Variants in AGXT2 observed in about 807,000 individuals in gnomAD.
AGXT2 encodes alanine--glyoxylate aminotransferase 2, mitochondrial.
A neutral mutation model predicts 62.5 loss-of-function variants in AGXT2; 61 were observed. That is an observed-to-expected ratio of 0.98 (90% CI 0.79 to 1.21). The LOEUF (loss-of-function observed/expected upper bound fraction) is 1.21, where lower values mean the gene tolerates loss of function less well. AGXT2 is among the 50% of genes most tolerant of loss of function. The pLI is 0.00. For synonymous variants in AGXT2, 243 were observed against 218.7 expected (o/e 1.11, Z -0.98); for missense variants, 666 against 641.5 (o/e 1.04, Z -0.41).
At chr5:35,001,766 C>T (rs912509965) in intron 13 of AGXT2, among the ~76,000 whole-genome samples, 7 of 152,072 alleles carry the variant, frequency 4.6e-5, no homozygotes, top group African/African-American at 1.4e-4. Flanking sequence ...TTGTTTATCT[C>T]ATTATTTAAG....
chr5:35,033,193 A>G (rs1767636370), intron 6 of AGXT2: 1 of 497,570 alleles, frequency 2.0e-6, no homozygotes, highest in African/African-American at 1.9e-5. Context: ...AGTTTTGTGC[A>G]TTCAAGATTC....
At position 35,039,357 on chromosome 5, in the gene AGXT2, C is replaced by T; in HGVS notation, c.329G>A (p.Gly110Glu). Reference protein sequence around the residue: ...EGSRYLDFFSGIVTVSVGHCH... With the variant: ...EGSRYLDFFSEIVTVSVGHCH... The stretch of plus-strand genomic sequence containing the variant: ...ATGGCCAACACTGACAGTAACAATC[C>T]CGGAAAAGAAATCCAGGTATCTGCT... Residue 110 changes from glycine (G) to glutamate (E), a missense_variant, in exon 3 of 14, where the codon GGG (glycine) becomes GAG (glutamate). Gly to Glu is a moderately conservative substitution (Grantham distance 98, BLOSUM62 -2). Transcript: ENST00000231420. 1 of 1,614,096 alleles carries T rather than the reference C, an allele frequency of 6.2e-7. No individual in the cohort carries two copies. The highest frequency in any genetic ancestry group is 8.5e-7 in the Non-Finnish European group (1 of 1,179,964).
chr5:35,021,677 T>C (rs1488723002), intron 9 of AGXT2, among the ~76,000 whole-genome samples: 6 of 151,870 alleles, frequency 4.0e-5, no homozygotes, highest in African/African-American at 1.5e-4. Flanking sequence ...GGACTTCATG[T>C]CTAAAACGCC....
At chr5:35,028,852 A>G (rs575806577) in intron 7 of AGXT2, among the ~76,000 whole-genome samples, 1 of 152,288 alleles carries the variant, frequency 6.6e-6, no homozygotes, top group South Asian at 2.1e-4. Context: ...CTCCCCACCT[A>G]CCATCCCAGT....
Position 35,010,091 on chromosome 5 carries a change from A to G in AGXT2, c.1247T>C (p.Leu416Pro), listed in dbSNP as rs772084689. 2.5e-6 allele frequency: 4 copies of G among 1,614,204 alleles called. No homozygotes were observed. Among genetic ancestry groups the G allele is most frequent in the Non-Finnish European group, 3.4e-6 (4 of 1,180,024 alleles). ...NSQEVGTYML[L>P]KFAKLRDEFE... ...TTCATCCCGCAGCTTAGCAAACTTT[A>G]GTAACATGTAGGTCCCAACTTCTTG... Residue 416 changes from leucine to proline, a missense_variant, in exon 12 of 14, where the codon CTA becomes CCA. Leu to Pro is a moderately conservative substitution (Grantham distance 98, BLOSUM62 -3). Transcript: ENST00000231420.
intron 9 of AGXT2, among the ~76,000 whole-genome samples, chr5:35,024,995 A>C (rs1767271902): frequency 6.6e-6 from 1 of 152,124 alleles, no homozygotes; most frequent in Non-Finnish European, 1.5e-5. Context: ...AAACAAAAAA[A>C]CCCACATTAT....
chr5:35,001,759 T>C lies in AGXT2; in HGVS notation c.1437+2004A>G, dbSNP rs1561209140. 2.6e-5 allele frequency among the ~76,000 whole-genome samples: 4 copies of C among 152,152 alleles called. No individual in the cohort carries two copies. In the South Asian group the frequency reaches 8.3e-4, roughly 32 times the overall value. On this transcript the variant is annotated intron_variant, in intron 13 of 13. Transcript: ENST00000231420. The stretch of plus-strand genomic sequence containing the variant: ...CCACATTTCATGCACAGTTTGGTTG[T>C]TTATCTCATTATTTAAGATTCTGCT...
chr5:35,047,294 A>G (rs1768265065), intron 1 of AGXT2, among the ~76,000 whole-genome samples: 1 of 152,080 alleles, frequency 6.6e-6, no homozygotes, highest in African/African-American at 2.4e-5. Context: ...AAAAAGAAAA[A>G]TAGCTAGGCA....
chr5:35,037,117 G>A (rs978946758), intron 3 of AGXT2, 52 bp from the exon 4 acceptor site: 1 of 1,611,720 alleles, frequency 6.2e-7, no homozygotes. Flanking sequence ...CGTCCCTCCT[G>A]CACACACCCT....
chr5:35,012,097 G>A (rs913157769), intron 11 of AGXT2, among the ~76,000 whole-genome samples: 2 of 152,040 alleles, frequency 1.3e-5, no homozygotes, highest in African/African-American at 4.8e-5. Context: ...GCTGGGAGGG[G>A]GGTGAGGGAT....
Position 35,032,715 on chromosome 5 carries a change from C to G in AGXT2, c.769+17G>C, listed in dbSNP as rs760096726. 5 of 1,592,784 alleles carry G rather than the reference C, an allele frequency of 3.1e-6. No individual in the cohort carries two copies. The South Asian group carries it at 5.7e-5, about 18-fold the overall frequency. ...AACTTCCAACACTCCACTGGCACCC[C>G]CCTTGCCCAGTCGGACCTGGTGCAC... On this transcript the variant is annotated intron_variant, in intron 7 of 13. Transcript: ENST00000231420.
intron 9 of AGXT2, among the ~76,000 whole-genome samples, chr5:35,021,847 A>T (rs1161294512): frequency 6.6e-6 from 1 of 152,228 alleles, no homozygotes; most frequent in Non-Finnish European, 1.5e-5. Flanking sequence ...TAATATCCAG[A>T]ATCTACAATG....
At position 35,017,516 on chromosome 5, in the gene AGXT2, C is replaced by T. The variant is rs116917160; in HGVS notation, c.964-3397G>A. Among the ~76,000 whole-genome samples the T allele has an allele frequency of 1.5e-3, 233 of 152,266 alleles. 4 individuals are homozygous for T. In the East Asian group the frequency reaches 0.041, roughly 27 times the overall value. ...TCTGATGGTTTTATAAGGGGAAACC[C>T]TTTTTGCTTGACTCTCATTGTCTCT... On this transcript the variant is annotated intron_variant, in intron 9 of 13. Coordinates refer to ENST00000231420, the MANE Select transcript of AGXT2 (RefSeq NM_031900.4).
At position 35,025,666 on chromosome 5, in the gene AGXT2, A is replaced by AG. The variant is rs1171750203; in HGVS notation, c.963+96dup. 6.1e-6 allele frequency: 8 copies of AG among 1,320,226 alleles called. No homozygotes were observed. The Admixed American group carries it at 9.2e-5, about 15-fold the overall frequency. 81.8% of individuals were successfully genotyped at this position (1,320,226 alleles called of 1,614,324 possible). On this transcript the variant is annotated intron_variant, in intron 9 of 13. Transcript: ENST00000231420. ...GCAAACTTTGGAATTCACAGAGCAG[A>AG]GGCTTTCTGCCTGGAACACAGAGGA...
In AGXT2 at chr5:35,027,059, C is replaced by G. The variant is rs540708490; in HGVS notation, c.770-549G>C. On this transcript the variant is annotated intron_variant, in intron 7 of 13. Coordinates refer to ENST00000231420, the MANE Select transcript of AGXT2 (RefSeq NM_031900.4). ...TAGGTGGCTTCCATCCATCGCAGCC[C>G]TTGGCACTTGGTCCTGTGCTTGTTT... 141 of 968,082 alleles carry G rather than the reference C, an allele frequency of 1.5e-4. No homozygotes were observed. The Middle Eastern group carries it at 2.7e-3, about 18-fold the overall frequency. 60.0% of individuals were successfully genotyped at this position (968,082 alleles called of 1,614,324 possible).
intron 9 of AGXT2, among the ~76,000 whole-genome samples, chr5:35,023,648 T>C (rs1767207229): frequency 6.6e-6 from 1 of 152,220 alleles, no homozygotes; most frequent in South Asian, 2.1e-4. Context: ...CTCATTTTTT[T>C]AAAGTAGCAG....
Position 35,034,991 on chromosome 5 carries a change from G to A in AGXT2, c.581+231C>T, listed in dbSNP as rs140785363. Among the ~76,000 whole-genome samples the A allele has an allele frequency of 2.7e-3, 417 of 152,274 alleles. 2 individuals carry two copies. Among genetic ancestry groups the A allele is most frequent in the Non-Finnish European group, 4.3e-3 (293 of 68,018 alleles). On this transcript the variant is annotated intron_variant, in intron 5 of 13. Transcript: ENST00000231420. ...CACAGGAGGATCTATGACATAATGAGGACTTCAAGCTGGTCGTGACCAGTT... is the reference window on the plus strand; with the variant it reads ...CACAGGAGGATCTATGACATAATGAAGACTTCAAGCTGGTCGTGACCAGTT...
intron 7 of AGXT2, chr5:35,027,028 G>A (rs1363550126): frequency 3.0e-6 from 3 of 985,240 alleles, no homozygotes; most frequent in South Asian, 4.7e-5. Flanking sequence ...AGAAATGTTC[G>A]AGAGCTAGGT....
chr5:35,005,641 G>A (rs1339353830), intron 12 of AGXT2, among the ~76,000 whole-genome samples: 3 of 148,272 alleles, frequency 2.0e-5, no homozygotes, highest in Admixed American at 1.4e-4. Flanking sequence ...AACTGCTATG[G>A]CTAATTGAAC....
Sources: gnomAD v4.1 joint callset for allele counts (sites outside exome capture counted in the v4.1 genomes callset) on GRCh38, gnomAD v4.1.1 for gene constraint, MANE v1.5 for transcripts, NCBI Gene and HGNC (gene_info 2026-07-23, HGNC 2026-07-21) for gene names.